Variants in GNAQ observed in about 807,000 individuals in gnomAD.
GNAQ encodes guanine nucleotide-binding protein G(q) subunit alpha.
A neutral mutation model predicts 43.9 loss-of-function variants in GNAQ; 8 were observed. The observed-to-expected ratio is 0.18, with a 90% CI of 0.11 to 0.33. The LOEUF is 0.33. Among genes scored for constraint, GNAQ ranks in the 10% least tolerant of loss-of-function variants. The probability of loss-of-function intolerance (pLI) is 1.00; values close to 1 mark genes in which losing one functional copy is unlikely to be tolerated. For synonymous variants in GNAQ, 155 were observed against 170.7 expected, an observed-to-expected ratio of 0.91 and a Z score of 0.71; for missense variants, 158 against 450.8, an observed-to-expected ratio of 0.35 and a Z score of 5.88.
chr9:77,963,784 G>A (rs558069583), intron 1 of GNAQ, among the ~76,000 whole-genome samples: 1 of 152,116 alleles, frequency 6.6e-6, no homozygotes, highest in Non-Finnish European at 1.5e-5. Flanking sequence ...GTTCCTACTC[G>A]TTCCCTCTCA....
chr9:77,965,618 T>C (rs1823156860), intron 1 of GNAQ, among the ~76,000 whole-genome samples: 1 of 152,132 alleles, frequency 6.6e-6, no homozygotes. Flanking sequence ...ACATTAGTCA[T>C]TAGGCAAATT....
intron 1 of GNAQ, among the ~76,000 whole-genome samples, chr9:77,975,430 A>C (rs1308196335): frequency 6.6e-6 from 1 of 151,838 alleles, no homozygotes; most frequent in African/African-American, 2.4e-5. Context: ...AATTATCTTC[A>C]TTATACAGAT....
chr9:78,027,416 G>C (rs1409705933), intron 1 of GNAQ, among the ~76,000 whole-genome samples: 1 of 152,170 alleles, frequency 6.6e-6, no homozygotes, highest in Non-Finnish European at 1.5e-5. Flanking sequence ...GGATTTAATA[G>C]TGAGCAAAAC....
At chr9:77,928,518 G>A (rs1362034807) in intron 1 of GNAQ, among the ~76,000 whole-genome samples, 1 of 152,148 alleles carries the variant, frequency 6.6e-6, no homozygotes, top group Non-Finnish European at 1.5e-5. Flanking sequence ...TTCATTCACT[G>A]AAAGTATTAG....
At chr9:77,779,671 AAAAC>A in intron 5 of GNAQ, among the ~76,000 whole-genome samples, 2 of 122,456 alleles carry the variant, frequency 1.6e-5, no homozygotes, top group Admixed American at 1.9e-4. Context: ...GGTTAACTAA[AAAAC>A]AAAACAAAAA....
chr9:77,734,330 T>A (rs1825539583), intron 5 of GNAQ, among the ~76,000 whole-genome samples: 1 of 152,250 alleles, frequency 6.6e-6, no homozygotes, highest in Non-Finnish European at 1.5e-5. Flanking sequence ...TTCTTTTACC[T>A]GATACAAGTT....
At chr9:77,936,916 C>T (rs932246642) in intron 1 of GNAQ, among the ~76,000 whole-genome samples, 1 of 152,124 alleles carries the variant, frequency 6.6e-6, no homozygotes, top group Non-Finnish European at 1.5e-5. Context: ...CTTCCACAAA[C>T]TAGAGTTGAG....
chr9:78,031,305 C>CCCT lies in GNAQ; in HGVS notation c.-73_-71dup. The CCCT allele has an allele frequency of 8.1e-7, 1 of 1,229,662 alleles. No individual in the cohort carries two copies. The highest frequency in any genetic ancestry group is 1.0e-6 in the Non-Finnish European group (1 of 953,500). 76.2% of individuals were successfully genotyped at this position (1,229,662 alleles called of 1,614,324 possible). On this transcript the variant is annotated 5_prime_UTR_variant, in exon 1 of 7. Coordinates refer to ENST00000286548, the MANE Select transcript of GNAQ (RefSeq NM_002072.5). ...CACAGCGCGCACACACACCCTCCCGCCCTCGCTCCCCCGAGGCAGCGGTGG... is the reference window on the plus strand; with the variant it reads ...CACAGCGCGCACACACACCCTCCCGCCCTCCTCGCTCCCCCGAGGCAGCGGTGG...
At chr9:77,760,656 G>T (rs1444035155) in intron 5 of GNAQ, among the ~76,000 whole-genome samples, 1 of 152,006 alleles carries the variant, frequency 6.6e-6, no homozygotes. Context: ...GAGCGTCTCT[G>T]CCTGGCCACC....
chr9:78,009,689 T>G (rs992306836), intron 1 of GNAQ, among the ~76,000 whole-genome samples: 4 of 152,306 alleles, frequency 2.6e-5, no homozygotes, highest in African/African-American at 4.8e-5. Context: ...TCCTCTACTT[T>G]CCTTTAGAGA....
intron 5 of GNAQ, among the ~76,000 whole-genome samples, chr9:77,775,554 C>A (rs577540150): frequency 6.6e-6 from 1 of 151,914 alleles, no homozygotes; most frequent in Admixed American, 6.6e-5. Flanking sequence ...GGACTATAGG[C>A]GCCCGCCACC....
intron 1 of GNAQ, among the ~76,000 whole-genome samples, chr9:77,941,899 AACAT>A (rs761511282): frequency 2.0e-4 from 24 of 122,664 alleles, no homozygotes; most frequent in African/African-American, 5.8e-4. Context: ...ACTTACATAC[AACAT>A]ACATACACAC....
chr9:77,802,464 T>C (rs1201360008), intron 3 of GNAQ, among the ~76,000 whole-genome samples: 2 of 152,128 alleles, frequency 1.3e-5, no homozygotes, highest in African/African-American at 2.4e-5. Context: ...GAATTGTACT[T>C]TCCATTGAAG....
At chr9:77,994,593 C>T (rs570009271) in intron 1 of GNAQ, among the ~76,000 whole-genome samples, 41 of 152,186 alleles carry the variant, frequency 2.7e-4, no homozygotes, top group Non-Finnish European at 3.1e-4. Context: ...GCTGTATTCA[C>T]TTATGATCCA....
intron 5 of GNAQ, among the ~76,000 whole-genome samples, chr9:77,760,524 G>C (rs1453238334): frequency 2.6e-5 from 4 of 152,174 alleles, no homozygotes; most frequent in African/African-American, 9.6e-5. Flanking sequence ...TGGTGCCCAA[G>C]ATGGAGTGCA....
intron 1 of GNAQ, among the ~76,000 whole-genome samples, chr9:77,939,174 G>A (rs1006962576): frequency 3.3e-5 from 5 of 152,302 alleles, no homozygotes; most frequent in Non-Finnish European, 2.9e-5. Flanking sequence ...GATATGGAAT[G>A]AGGGGCAAGG....
At chr9:77,800,188 A>G (rs933447092) in intron 3 of GNAQ, among the ~76,000 whole-genome samples, 5 of 151,892 alleles carry the variant, frequency 3.3e-5, no homozygotes, top group African/African-American at 7.3e-5. Flanking sequence ...ATCTAGAACT[A>G]GAAATACCAT....
intron 1 of GNAQ, among the ~76,000 whole-genome samples, chr9:78,028,034 C>T (rs140447100): frequency 0.018 from 2,664 of 152,082 alleles, 29 homozygotes; most frequent in Middle Eastern, 0.024. Context: ...CTATGTACCA[C>T]CAACAGAAAT....
intron 1 of GNAQ, among the ~76,000 whole-genome samples, chr9:78,025,192 C>A (rs1448559412): frequency 6.6e-6 from 1 of 152,070 alleles, no homozygotes; most frequent in Non-Finnish European, 1.5e-5. Context: ...TTTTACATAT[C>A]GGTAATGTAA....
Sources: allele counts gnomAD v4.1 joint callset (sites outside exome capture counted in the v4.1 genomes callset), GRCh38; gene constraint gnomAD v4.1.1; transcripts MANE v1.5; gene names NCBI Gene and HGNC (gene_info 2026-07-23, HGNC 2026-07-21).